Variants in IL20RA observed in about 807,000 individuals in gnomAD.
IL20RA encodes the protein interleukin 20 receptor subunit alpha.
Under a neutral mutation model 36.5 loss-of-function variants are expected in IL20RA, and 29 were observed. The observed-to-expected ratio is 0.79, with a 90% confidence interval of 0.59 to 1.08. IL20RA has a LOEUF of 1.08. Ranked by LOEUF, IL20RA falls within the 50% of genes least tolerant of loss-of-function variation. IL20RA has a pLI of 0.00. For synonymous variants in IL20RA, 279 were observed against 267.1 expected (o/e 1.04, Z -0.43); for missense variants, 652 against 668.4 (o/e 0.98, Z 0.27).
At chr6:137,041,628 G>C (rs1776695387) in intron 1 of IL20RA, among the ~76,000 whole-genome samples, 1 of 152,078 alleles carries the variant, frequency 6.6e-6, no homozygotes, top group African/African-American at 2.4e-5. Flanking sequence ...TGCCATGTTT[G>C]TATCAAAGAA....
intron 6 of IL20RA, among the ~76,000 whole-genome samples, chr6:137,002,919 G>A (rs1775132314): frequency 1.3e-5 from 2 of 152,036 alleles, no homozygotes; most frequent in South Asian, 4.1e-4. Flanking sequence ...TGCTATAATA[G>A]AGCCAAAAAA....
intron 1 of IL20RA, among the ~76,000 whole-genome samples, chr6:137,031,985 A>G (rs1776303473): frequency 6.7e-6 from 1 of 148,562 alleles, no homozygotes; most frequent in Admixed American, 6.8e-5. Context: ...CCTGGGAGGC[A>G]GAGGTTGTAG....
intron 2 of IL20RA, among the ~76,000 whole-genome samples, chr6:137,015,253 T>C (rs1407960387): frequency 6.6e-6 from 1 of 152,296 alleles, no homozygotes; most frequent in East Asian, 1.9e-4. Context: ...ATCACTTAGC[T>C]CTAACAGGTT....
chr6:137,023,027 C>G (rs1775958266), intron 1 of IL20RA, among the ~76,000 whole-genome samples: 2 of 151,988 alleles, frequency 1.3e-5, no homozygotes, highest in African/African-American at 2.4e-5. Flanking sequence ...CCATGGCAGC[C>G]CTTGAATACT....
Position 137,008,618 on chromosome 6 carries a change from C to T in IL20RA, c.705G>A (p.Gln235=), listed in dbSNP as rs748789284. The T allele has an allele frequency of 2.5e-6, 4 of 1,602,010 alleles. No individual in the cohort carries two copies. The highest frequency in any genetic ancestry group is 3.4e-5 in the Admixed American group (2 of 58,432). Residue 235 remains glutamine, a synonymous_variant, in exon 5 of 7, where the codon CAG becomes CAA. Coordinates refer to ENST00000316649, the MANE Select transcript of IL20RA (RefSeq NM_014432.4). ...PPRRAQPSEK[Q]CARTLKDQSS... ...GCTTACCTTTCAAAGTCCTGGCACA[C>T]TGCTTCTCAGAAGGCTGAGCACGGC...
At chr6:137,037,525 T>C (rs1284184310) in intron 1 of IL20RA, among the ~76,000 whole-genome samples, 1 of 152,188 alleles carries the variant, frequency 6.6e-6, no homozygotes, top group Non-Finnish European at 1.5e-5. Context: ...TGAGGGTCTG[T>C]GTCTCATAGA....
At chr6:137,012,616 T>A (rs1040653727) in intron 2 of IL20RA, among the ~76,000 whole-genome samples, 4 of 152,096 alleles carry the variant, frequency 2.6e-5, no homozygotes, top group African/African-American at 9.7e-5. Context: ...TGCTCATTGA[T>A]GGCACAAGCA....
chr6:137,012,961 A>C (rs1420337690), intron 2 of IL20RA, among the ~76,000 whole-genome samples: 1 of 152,120 alleles, frequency 6.6e-6, no homozygotes, highest in Non-Finnish European at 1.5e-5. Flanking sequence ...CTGTTACTTA[A>C]GGGCTTTCAA....
intron 1 of IL20RA, among the ~76,000 whole-genome samples, chr6:137,022,498 A>G (rs373706468): frequency 6.5e-4 from 99 of 152,326 alleles, no homozygotes; most frequent in African/African-American, 2.3e-3. Context: ...TATAAATCAT[A>G]CTATAGTCAA....
chr6:137,006,726 C>CT (rs35093154), intron 5 of IL20RA, among the ~76,000 whole-genome samples: 6,341 of 144,442 alleles, frequency 0.044, 443 homozygotes, highest in African/African-American at 0.15. Flanking sequence ...ATTTTTCTTT[C>CT]TTTTTTTTTT....
Position 137,009,411 on chromosome 6 carries a change from T to C in IL20RA, c.485A>G (p.Lys162Arg). Residue 162 changes from lysine (K) to arginine (R), a missense_variant, in exon 4 of 7, where the codon AAG becomes AGG. Coordinates refer to ENST00000316649, the MANE Select transcript of IL20RA (RefSeq NM_014432.4). ...SVVLTAPEKW[K>R]RNPEDLPVSM... ...AACAGGAAGGTCTTCTGGATTTCTCTTCCACTTCTCTGGAGCTGTCAGGAC... is the reference window on the plus strand; with the variant it reads ...AACAGGAAGGTCTTCTGGATTTCTCCTCCACTTCTCTGGAGCTGTCAGGAC... The C allele has an allele frequency of 6.2e-7, 1 of 1,612,586 alleles. No homozygotes were observed. The highest frequency in any genetic ancestry group is 8.5e-7 in the Non-Finnish European group (1 of 1,178,634).
chr6:137,008,155 A>G (rs1391701457), intron 5 of IL20RA, among the ~76,000 whole-genome samples: 1 of 152,006 alleles, frequency 6.6e-6, no homozygotes, highest in East Asian at 1.9e-4. Flanking sequence ...TATAGAGATG[A>G]GGTCTCACTA....
intron 1 of IL20RA, among the ~76,000 whole-genome samples, chr6:137,018,686 T>C (rs1775793187): frequency 6.6e-6 from 1 of 152,200 alleles, no homozygotes; most frequent in Non-Finnish European, 1.5e-5. Flanking sequence ...TATTTATCAA[T>C]GATTTAATAC....
In IL20RA at chr6:137,017,182, A is replaced by G. The variant is rs576380470; in HGVS notation, c.89-79T>C. On this transcript the variant is annotated intron_variant, in intron 1 of 6. Transcript: ENST00000316649. ...GATTCCTGTAGCAGCTAGTCTCCAG[A>G]GATGGCCCCCAATACGGCCTTCCAG... 1.5e-5 allele frequency: 18 copies of G among 1,177,422 alleles called. 2 individuals carry two copies. The South Asian group carries it at 2.4e-4, about 16-fold the overall frequency. The allele number at this position is 1,177,422 out of a possible 1,614,324, so 72.9% of individuals were successfully genotyped here.
At chr6:137,003,104 C>T (rs1424480869) in intron 6 of IL20RA, among the ~76,000 whole-genome samples, 1 of 152,168 alleles carries the variant, frequency 6.6e-6, no homozygotes, top group African/African-American at 2.4e-5. Context: ...CTTTACAAAA[C>T]AGAACCTTCA....
At chr6:137,034,595 T>G (rs972241496) in intron 1 of IL20RA, among the ~76,000 whole-genome samples, 6 of 152,058 alleles carry the variant, frequency 3.9e-5, no homozygotes, top group African/African-American at 1.4e-4. Context: ...CGGTGTGTGT[T>G]GTTCCCCTCC....
chr6:137,012,182 G>A (rs1775525353), intron 2 of IL20RA, among the ~76,000 whole-genome samples: 1 of 152,124 alleles, frequency 6.6e-6, no homozygotes, highest in South Asian at 2.1e-4. Context: ...ACAAGTGGCA[G>A]CCTAGGGAAC....
rs1363126027 is a variant in IL20RA, at chr6:137,044,228, G to A, written c.88+413C>T. On this transcript the variant is annotated intron_variant, in intron 1 of 6. Transcript: ENST00000316649. Reference sequence around the variant, plus strand: ...CGGCGGCCGAGACGCGGCATCCACAGGGGCCCCTCCGCGCGGCCGCGGCGG... The same window carrying A: ...CGGCGGCCGAGACGCGGCATCCACAAGGGCCCCTCCGCGCGGCCGCGGCGG... 7.1e-6 allele frequency: 7 copies of A among 988,940 alleles called. No individual in the cohort carries two copies. The South Asian group carries it at 1.4e-4, about 20-fold the overall frequency. The allele number at this position is 988,940 out of a possible 1,614,324, so 61.3% of individuals were successfully genotyped here. A position where few individuals can be genotyped will look rare whatever the true frequency, so the allele number is the denominator to read the frequency against.
rs1582813479 is a variant in IL20RA, at chr6:137,001,302, C to T, written c.*256G>A. ...TAAATTCTGCACCCAGTCTGGCAAA[C>T]ATTTATTGACTGCTTTCTCTGCATA... On this transcript the variant is annotated 3_prime_UTR_variant, in exon 7 of 7. Coordinates refer to ENST00000316649, the MANE Select transcript of IL20RA (RefSeq NM_014432.4). 3 of 341,458 alleles carry T rather than the reference C, an allele frequency of 8.8e-6. No homozygotes were observed. The highest frequency in any genetic ancestry group is 4.2e-5 in the African/African-American group (2 of 47,510). The allele number at this position is 341,458 out of a possible 1,614,324, so 21.2% of individuals were successfully genotyped here.
Sources: gnomAD v4.1 joint callset for allele counts (sites outside exome capture counted in the v4.1 genomes callset) on GRCh38, gnomAD v4.1.1 for gene constraint, MANE v1.5 for transcripts, NCBI Gene and HGNC (gene_info 2026-07-23, HGNC 2026-07-21) for gene names.